The following MCHR2 variants were observed in gnomAD, a reference collection of about 807,000 sequenced individuals.
MCHR2 encodes melanin-concentrating hormone receptor 2.
A neutral mutation model predicts 24.8 loss-of-function variants in MCHR2; 15 were observed. The observed-to-expected ratio is 0.60, with a 90% CI of 0.40 to 0.93. MCHR2 has a LOEUF of 0.93. Among genes scored for constraint, MCHR2 ranks in the 40% least tolerant of loss-of-function variants. The probability of loss-of-function intolerance (pLI) is 0.00; values close to 1 mark genes in which losing one functional copy is unlikely to be tolerated. For missense variants in MCHR2, 386 were observed against 408.7 expected, an observed-to-expected ratio of 0.94 and a Z score of 0.48; for synonymous variants, 151 against 147.6, an observed-to-expected ratio of 1.02 and a Z score of -0.17.
intron 1 of MCHR2, among the ~76,000 whole-genome samples, chr6:99,986,875 G>GTA (rs955583559): frequency 1.5e-4 from 23 of 149,684 alleles, no homozygotes; most frequent in African/African-American, 5.4e-4. Context: ...TAATATACAT[G>GTA]TATATATATC....
At chr6:99,969,748 T>C (rs917172965) in intron 1 of MCHR2, among the ~76,000 whole-genome samples, 12 of 131,682 alleles carry the variant, frequency 9.1e-5, no homozygotes, top group Non-Finnish European at 1.2e-4. Flanking sequence ...GAGTGTGATA[T>C]TCCCCTTCCT....
At chr6:99,977,475 G>A (rs750425918) in intron 1 of MCHR2, among the ~76,000 whole-genome samples, 4 of 152,228 alleles carry the variant, frequency 2.6e-5, no homozygotes, top group South Asian at 2.1e-4. Context: ...GATACCATAC[G>A]GAGTAGGGCT....
chr6:99,934,650 G>A (rs1774620372), intron 4 of MCHR2, 133 bp from the exon 5 acceptor site: 1 of 769,252 alleles, frequency 1.3e-6, no homozygotes. Context: ...AGTCCTTGTG[G>A]AAAAGCTCAA....
intron 2 of MCHR2, among the ~76,000 whole-genome samples, chr6:99,955,671 C>T (rs910954432): frequency 6.6e-6 from 1 of 152,070 alleles, no homozygotes; most frequent in Admixed American, 6.6e-5. Flanking sequence ...TTAAAGCTCC[C>T]CAGATGATTC....
At chr6:99,984,050 C>T (rs769134024) in intron 1 of MCHR2, among the ~76,000 whole-genome samples, 10 of 152,090 alleles carry the variant, frequency 6.6e-5, no homozygotes, top group Non-Finnish European at 1.5e-4. Context: ...AAACTCTATA[C>T]AAATGGCTTA....
At chr6:99,975,713 CTCCTGAG>C (rs1387443446) in intron 1 of MCHR2, among the ~76,000 whole-genome samples, 1 of 152,194 alleles carries the variant, frequency 6.6e-6, no homozygotes, top group Non-Finnish European at 1.5e-5. Context: ...GCCATCTTGG[CTCCTGAG>C]TAAAGTCGGG....
chr6:99,981,135 T>C (rs570040204), intron 1 of MCHR2, among the ~76,000 whole-genome samples: 29 of 152,328 alleles, frequency 1.9e-4, no homozygotes, highest in African/African-American at 6.7e-4. Context: ...GTCAATCCTT[T>C]TGCTTATTTA....
chr6:99,927,341 A>G (rs1774389228), intron 5 of MCHR2, among the ~76,000 whole-genome samples: 1 of 152,136 alleles, frequency 6.6e-6, no homozygotes, highest in African/African-American at 2.4e-5. Context: ...TTCCATATGA[A>G]CTTTAAAATA....
At chr6:99,924,786 T>G (rs4421202) in intron 5 of MCHR2, among the ~76,000 whole-genome samples, 28,304 of 152,100 alleles carry the variant, frequency 0.19, 2,837 homozygotes, top group African/African-American at 0.24. Flanking sequence ...TTTCAATTAT[T>G]TGAATTTTTA....
intron 1 of MCHR2, among the ~76,000 whole-genome samples, chr6:99,969,482 AAAAAAAAAAAG>A (rs1182797023): frequency 1.6e-4 from 24 of 149,200 alleles, no homozygotes; most frequent in Non-Finnish European, 3.1e-4. Flanking sequence ...TCAAAAAAAA[AAAAAAAAAAAG>A]AAAAGAAAAC....
intron 5 of MCHR2, among the ~76,000 whole-genome samples, chr6:99,924,059 C>T (rs567407101): frequency 5.3e-5 from 8 of 152,114 alleles, no homozygotes; most frequent in Admixed American, 5.2e-4. Context: ...TCTTGGGAGA[C>T]TTTTAATTAT....
chr6:99,952,144 T>C (rs1774977230), intron 2 of MCHR2, among the ~76,000 whole-genome samples: 1 of 152,094 alleles, frequency 6.6e-6, no homozygotes, highest in Non-Finnish European at 1.5e-5. Context: ...TCAATCTGTC[T>C]CCTGGGAATG....
intron 1 of MCHR2, among the ~76,000 whole-genome samples, chr6:99,967,766 C>T (rs1400556179): frequency 6.6e-6 from 1 of 152,140 alleles, no homozygotes; most frequent in African/African-American, 2.4e-5. Flanking sequence ...AAGTTTTATA[C>T]ATTTGCTCTC....
chr6:99,973,829 C>T lies in MCHR2; in HGVS notation c.-27-17655G>A, dbSNP rs370883272. On this transcript the variant is annotated intron_variant, in intron 1 of 5. Transcript: ENST00000281806. ...TCTCCTTCACTTATGAAGCTTAGTT[C>T]GGCTGGATATGAAATTCTGGGTTGA... is the stretch of plus-strand genomic sequence containing the variant. Among the ~76,000 whole-genome samples the T allele has an allele frequency of 1.0e-3, 153 of 152,124 alleles. 2 individuals are homozygous for T. The highest frequency in any genetic ancestry group is 7.1e-3 in the South Asian group (34 of 4,812).
In MCHR2 at chr6:99,994,127, G is replaced by A. The variant is rs996818102; in HGVS notation, c.-219C>T. On this transcript the variant is annotated 5_prime_UTR_variant, in exon 1 of 6. Transcript: ENST00000281806. ...CCAGCCCCACCTCCATTTCCAAAGCGGGGGTCCAGGCACAGGAACAGCCAA... is the reference window on the plus strand; with the variant it reads ...CCAGCCCCACCTCCATTTCCAAAGCAGGGGTCCAGGCACAGGAACAGCCAA... The A allele has an allele frequency of 6.6e-6, 1 of 152,284 alleles. No individual in the cohort carries two copies. Among genetic ancestry groups the A allele is most frequent in the Non-Finnish European group, 1.5e-5 (1 of 68,114 alleles). The allele number at this position is 152,284 out of a possible 1,614,324, so 9.4% of individuals were successfully genotyped here.
At chr6:99,980,662 C>G (rs7746181) in intron 1 of MCHR2, among the ~76,000 whole-genome samples, 95,791 of 151,912 alleles carry the variant, frequency 0.63, 30,718 homozygotes, top group African/African-American at 0.73. Context: ...ACCTTTCCAA[C>G]GACTAGATAC....
At chr6:99,963,932 TA>T (rs1236879311) in intron 1 of MCHR2, among the ~76,000 whole-genome samples, 1 of 151,862 alleles carries the variant, frequency 6.6e-6, no homozygotes, top group Non-Finnish European at 1.5e-5. Flanking sequence ...TACAAACCTA[TA>T]AAAAAAGATA....
chr6:99,985,465 G>A (rs189750112), intron 1 of MCHR2, among the ~76,000 whole-genome samples: 3 of 152,196 alleles, frequency 2.0e-5, no homozygotes, highest in South Asian at 4.1e-4. Context: ...CATGATGCTG[G>A]CGTAAAAACA....
intron 1 of MCHR2, among the ~76,000 whole-genome samples, chr6:99,992,780 A>T (rs2114605372): frequency 6.6e-6 from 1 of 152,282 alleles, no homozygotes; most frequent in East Asian, 1.9e-4. Context: ...TAGCCATAAG[A>T]CAGTAAGTGA....
Sources: allele counts gnomAD v4.1 joint callset (sites outside exome capture counted in the v4.1 genomes callset), GRCh38; gene constraint gnomAD v4.1.1; transcripts MANE v1.5; gene names NCBI Gene and HGNC (gene_info 2026-07-23, HGNC 2026-07-21).